Variants in NXPH1 observed in about 807,000 individuals in gnomAD.
The protein encoded by NXPH1 is neurexophilin 1, also known as neurexophilin-1.
A neutral mutation model predicts 23.7 loss-of-function variants in NXPH1; 5 were observed. The observed-to-expected ratio is 0.21, with a 90% CI of 0.11 to 0.44. The LOEUF (loss-of-function observed/expected upper bound fraction) is 0.44, where lower values mean the gene tolerates loss of function less well. NXPH1 is among the 20% of genes least tolerant of loss of function. NXPH1 has a pLI of 0.99. For missense variants in NXPH1, 324 were observed against 321.6 expected, an observed-to-expected ratio of 1.01 and a Z score of -0.06; for synonymous variants, 144 against 122.2, an observed-to-expected ratio of 1.18 and a Z score of -1.18.
At chr7:8,639,972 T>G (rs955807892) in intron 2 of NXPH1, among the ~76,000 whole-genome samples, 4 of 152,192 alleles carry the variant, frequency 2.6e-5, no homozygotes, top group Non-Finnish European at 5.9e-5. Context: ...AAACCTAGCT[T>G]CTGTTAATTG....
chr7:8,448,993 T>G (rs17403960), intron 2 of NXPH1, among the ~76,000 whole-genome samples: 5,659 of 152,320 alleles, frequency 0.037, 145 homozygotes, highest in Non-Finnish European at 0.053. Context: ...TAAGATGTGA[T>G]TTTAAATATT....
At position 8,671,589 on chromosome 7, in the gene NXPH1, C is replaced by A. The variant is rs139975554; in HGVS notation, c.55-79419C>A. On this transcript the variant is annotated intron_variant, in intron 2 of 2. Transcript: ENST00000405863. ...AATTGTCTTAAAGAAGCTCTTTCTA[C>A]ATGGGAGGAATGGTTCTGTGATGGT... Among the ~76,000 whole-genome samples, 4 of 152,198 alleles carry A rather than the reference C, an allele frequency of 2.6e-5. No homozygotes were observed. In the East Asian group the frequency reaches 7.7e-4, roughly 29 times the overall value.
intron 2 of NXPH1, among the ~76,000 whole-genome samples, chr7:8,716,424 A>G (rs1299791366): frequency 6.6e-6 from 1 of 152,224 alleles, no homozygotes; most frequent in African/African-American, 2.4e-5. Context: ...TATTGTTTGC[A>G]TGAGATTATA....
intron 2 of NXPH1, among the ~76,000 whole-genome samples, chr7:8,649,772 TTTGAG>T (rs1449799496): frequency 6.6e-6 from 1 of 152,198 alleles, no homozygotes; most frequent in African/African-American, 2.4e-5. Flanking sequence ...ATTATTCTCT[TTTGAG>T]TTTTTTTCTT....
At chr7:8,643,072 C>T (rs1470694619) in intron 2 of NXPH1, among the ~76,000 whole-genome samples, 2 of 151,976 alleles carry the variant, frequency 1.3e-5, no homozygotes, top group Non-Finnish European at 2.9e-5. Flanking sequence ...ACTATGTTGG[C>T]CTGGCTGGTC....
At chr7:8,550,564 A>G (rs537212627) in intron 2 of NXPH1, among the ~76,000 whole-genome samples, 1 of 151,664 alleles carries the variant, frequency 6.6e-6, no homozygotes, top group South Asian at 2.1e-4. Context: ...TAAAAATAGT[A>G]TTACTTTATA....
intron 2 of NXPH1, among the ~76,000 whole-genome samples, chr7:8,696,822 C>T (rs1165070024): frequency 1.8e-5 from 2 of 112,754 alleles, no homozygotes; most frequent in African/African-American, 6.9e-5. Context: ...GCCTGGGTGA[C>T]AGAGCAAGAC....
intron 2 of NXPH1, among the ~76,000 whole-genome samples, chr7:8,565,717 C>T (rs547683230): frequency 6.6e-6 from 1 of 151,774 alleles, no homozygotes; most frequent in African/African-American, 2.4e-5. Flanking sequence ...TGTTTAGGTG[C>T]CCTCACAACA....
chr7:8,611,022 G>A (rs908271064), intron 2 of NXPH1, among the ~76,000 whole-genome samples: 2 of 152,046 alleles, frequency 1.3e-5, no homozygotes, highest in African/African-American at 2.4e-5. Flanking sequence ...TGGCTGAAAC[G>A]CCGCTTAGAG....
intron 2 of NXPH1, among the ~76,000 whole-genome samples, chr7:8,497,618 A>G (rs138375288): frequency 0.026 from 3,895 of 152,120 alleles, 176 homozygotes; most frequent in African/African-American, 0.089. Flanking sequence ...GCCAGTGATG[A>G]TGAGCATTTT....
At chr7:8,565,601 A>G (rs1417013605) in intron 2 of NXPH1, among the ~76,000 whole-genome samples, 2 of 151,874 alleles carry the variant, frequency 1.3e-5, no homozygotes, top group African/African-American at 2.4e-5. Flanking sequence ...CTTTTATACT[A>G]GAGAAAAAAC....
intron 2 of NXPH1, among the ~76,000 whole-genome samples, chr7:8,521,741 T>C (rs1195470367): frequency 6.6e-6 from 1 of 152,166 alleles, no homozygotes; most frequent in Non-Finnish European, 1.5e-5. Context: ...AAGAATTAAA[T>C]GGCAATGTAA....
chr7:8,468,544 C>T (rs1489778304), intron 2 of NXPH1, among the ~76,000 whole-genome samples: 1 of 151,778 alleles, frequency 6.6e-6, no homozygotes, highest in Non-Finnish European at 1.5e-5. Flanking sequence ...AGATAATATC[C>T]CATGTCCTGC....
chr7:8,555,492 T>C (rs1818343028), intron 2 of NXPH1, among the ~76,000 whole-genome samples: 1 of 151,642 alleles, frequency 6.6e-6, no homozygotes, highest in African/African-American at 2.4e-5. Context: ...AAGCATTACA[T>C]GACAGAAGCA....
rs548215194 is a variant in NXPH1 at position 8,660,068 on chromosome 7, C to G, written c.55-90940C>G. ...TGACTTTCTTCATCTTGCAATATTA[C>G]TTTAAATTAATTTAAATTGCTAAAA... On this transcript the variant is annotated intron_variant, in intron 2 of 2. Transcript: ENST00000405863. Among the ~76,000 whole-genome samples, 7 of 152,288 alleles carry G rather than the reference C, an allele frequency of 4.6e-5. No homozygotes were observed. The South Asian group carries it at 1.5e-3, about 32-fold the overall frequency.
At chr7:8,728,795 A>G (rs1055495895) in intron 2 of NXPH1, among the ~76,000 whole-genome samples, 3 of 152,070 alleles carry the variant, frequency 2.0e-5, no homozygotes, top group African/African-American at 4.8e-5. Context: ...TTGGTCTACA[A>G]TTCTCTTTTT....
intron 2 of NXPH1, among the ~76,000 whole-genome samples, chr7:8,500,817 T>C (rs996074489): frequency 6.6e-6 from 1 of 152,106 alleles, no homozygotes; most frequent in African/African-American, 2.4e-5. Flanking sequence ...ACGATTTTGA[T>C]GCAGGTCTTC....
intron 2 of NXPH1, among the ~76,000 whole-genome samples, chr7:8,503,684 T>G (rs1009474567): frequency 1.3e-5 from 2 of 151,978 alleles, no homozygotes; most frequent in Non-Finnish European, 2.9e-5. Context: ...TTTGATCTTC[T>G]CTGTAACATT....
chr7:8,667,641 G>T (rs1405074257), intron 2 of NXPH1, among the ~76,000 whole-genome samples: 1 of 151,888 alleles, frequency 6.6e-6, no homozygotes, highest in Non-Finnish European at 1.5e-5. Context: ...ATTTTTGGCA[G>T]ATTGTTTATA....
Sources: allele counts gnomAD v4.1 joint callset (sites outside exome capture counted in the v4.1 genomes callset), GRCh38; gene constraint gnomAD v4.1.1; transcripts MANE v1.5; gene names NCBI Gene and HGNC (gene_info 2026-07-23, HGNC 2026-07-21).